Variants in WNK2 observed in about 807,000 individuals in gnomAD.
WNK2 encodes the protein WNK lysine deficient protein kinase 2.
A neutral mutation model predicts 192.1 loss-of-function variants in WNK2; 67 were observed. The observed-to-expected ratio is 0.35, with a 90% CI of 0.29 to 0.43. The LOEUF is 0.43. WNK2 is among the 20% of genes least tolerant of loss of function. WNK2 has a pLI of 1.00. For synonymous variants in WNK2, 1,439 were observed against 1,393.9 expected, an observed-to-expected ratio of 1.03 and a Z score of -0.72; for missense variants, 2,698 against 3,089.7, an observed-to-expected ratio of 0.87 and a Z score of 3.01.
intron 21 of WNK2, among the ~76,000 whole-genome samples, chr9:93,290,773 G>C (rs1343178834): frequency 2.0e-5 from 3 of 152,252 alleles, no homozygotes; most frequent in Non-Finnish European, 4.4e-5. Context: ...CTGAAGACCT[G>C]CTGTGGGGCT....
chr9:93,289,891 A>C (rs1204014594), intron 20 of WNK2, 87 bp from the exon 21 acceptor site: 1 of 1,344,206 alleles, frequency 7.4e-7, no homozygotes, highest in Non-Finnish European at 1.0e-6. Flanking sequence ...GCAGCTTGAG[A>C]TGAGGGGAGT....
At chr9:93,310,824 C>T (rs1350481191) in intron 28 of WNK2, among the ~76,000 whole-genome samples, 1 of 152,128 alleles carries the variant, frequency 6.6e-6, no homozygotes. Context: ...ATCAGCCAGG[C>T]GTGGTTGCAC....
chr9:93,315,502 T>C (rs1854476448), intron 28 of WNK2: 1 of 152,218 alleles, frequency 6.6e-6, no homozygotes, highest in African/African-American at 2.4e-5. Context: ...TTTGGGGACA[T>C]GGACCCTGTA....
chr9:93,268,557 G>A (rs1046792837), intron 18 of WNK2, 70 bp from the exon 19 acceptor site: 1 of 1,557,336 alleles, frequency 6.4e-7, no homozygotes, highest in Non-Finnish European at 8.7e-7. Context: ...TCTGGTGCAG[G>A]TGATGGGGGT....
intron 19 of WNK2, among the ~76,000 whole-genome samples, chr9:93,269,936 T>C (rs964919254): frequency 2.0e-5 from 3 of 152,170 alleles, no homozygotes; most frequent in Non-Finnish European, 2.9e-5. Context: ...GTGAAGGCAT[T>C]TGAAATCTGA....
chr9:93,233,709 A>G (rs1839309117), intron 4 of WNK2, among the ~76,000 whole-genome samples: 1 of 151,656 alleles, frequency 6.6e-6, no homozygotes, highest in African/African-American at 2.4e-5. Flanking sequence ...CTCAAAAAAA[A>G]AAAAAAAAAA....
chr9:93,198,989 C>T (rs759034564), intron 2 of WNK2, among the ~76,000 whole-genome samples: 7 of 152,192 alleles, frequency 4.6e-5, no homozygotes, highest in Admixed American at 6.5e-5. Flanking sequence ...TGGCTCGGTT[C>T]GGGGTGGGTG....
chr9:93,278,167 AAG>A (rs1302643469), intron 19 of WNK2, among the ~76,000 whole-genome samples: 1 of 152,210 alleles, frequency 6.6e-6, no homozygotes, highest in African/African-American at 2.4e-5. Flanking sequence ...GCAGGGAAGG[AAG>A]AGCCCAGGCA....
chr9:93,286,843 C>G (rs2133744379), intron 19 of WNK2, among the ~76,000 whole-genome samples: 1 of 152,310 alleles, frequency 6.6e-6, no homozygotes, highest in East Asian at 1.9e-4. Flanking sequence ...AACAAGGAAA[C>G]TACCATTTGC....
chr9:93,240,726 G>A (rs907330527), intron 7 of WNK2, among the ~76,000 whole-genome samples: 1 of 152,232 alleles, frequency 6.6e-6, no homozygotes, highest in Middle Eastern at 3.2e-3. Context: ...TGTGTGGGAT[G>A]TGGGGACAGG....
intron 13 of WNK2, 119 bp from the exon 14 acceptor site, chr9:93,262,551 C>A (rs1241089611): frequency 3.7e-6 from 4 of 1,086,880 alleles, no homozygotes; most frequent in Non-Finnish European, 4.1e-6. Context: ...AGCAGGAGAA[C>A]GCAGCGGGGC....
chr9:93,211,893 T>C (rs565738154), intron 2 of WNK2, among the ~76,000 whole-genome samples: 5,224 of 147,290 alleles, frequency 0.035, 298 homozygotes, highest in African/African-American at 0.12. Context: ...CTCACACATT[T>C]ACTCATTCAC....
At chr9:93,272,638 T>G (rs897327243) in intron 19 of WNK2, among the ~76,000 whole-genome samples, 3 of 149,138 alleles carry the variant, frequency 2.0e-5, no homozygotes, top group Admixed American at 6.9e-5. Flanking sequence ...CTCAGGAGGC[T>G]GAGGCAGGAG....
At chr9:93,269,128 G>T (rs1845663656) in intron 19 of WNK2, among the ~76,000 whole-genome samples, 1 of 151,980 alleles carries the variant, frequency 6.6e-6, no homozygotes, top group Admixed American at 6.5e-5. Context: ...TGCTTGCTTT[G>T]GGGGGTGGGG....
intron 8 of WNK2, among the ~76,000 whole-genome samples, 172 bp downstream of exon 8, chr9:93,248,006 C>CA (rs1842031639): frequency 6.6e-6 from 1 of 152,256 alleles, no homozygotes; most frequent in African/African-American, 2.4e-5. Flanking sequence ...GAGCTGTCCT[C>CA]ACGTAGCGTG....
intron 28 of WNK2, 43 bp downstream of exon 28, chr9:93,308,627 A>G (rs1008378850): frequency 6.6e-7 from 1 of 1,509,300 alleles, no homozygotes; most frequent in African/African-American, 1.4e-5. Flanking sequence ...GGGGTGGGGT[A>G]GCCTTGCCTC....
chr9:93,317,448 TG>T, intron 28 of WNK2, 71 bp from the exon 29 acceptor site: 6 of 1,478,496 alleles, frequency 4.1e-6, no homozygotes, highest in South Asian at 1.2e-5. Flanking sequence ...TGTGGCACCC[TG>T]GGGGCCACTA....
chr9:93,299,480 G>C (rs977965261), intron 25 of WNK2, among the ~76,000 whole-genome samples: 4 of 152,222 alleles, frequency 2.6e-5, no homozygotes, highest in Non-Finnish European at 5.9e-5. Flanking sequence ...AAGCAGCTCA[G>C]GGGGAGGTGA....
At chr9:93,238,922 C>T (rs1469028852) in intron 6 of WNK2, among the ~76,000 whole-genome samples, 2 of 152,184 alleles carry the variant, frequency 1.3e-5, no homozygotes, top group Admixed American at 6.5e-5. Context: ...CACTGGAGTA[C>T]ACCCACCATC....
Sources: gnomAD v4.1 joint callset for allele counts (sites outside exome capture counted in the v4.1 genomes callset) on GRCh38, gnomAD v4.1.1 for gene constraint, MANE v1.5 for transcripts, NCBI Gene and HGNC (gene_info 2026-07-23, HGNC 2026-07-21) for gene names.